Variants in CYP20A1 observed in about 807,000 individuals in gnomAD.
CYP20A1 encodes the protein cytochrome P450 20A1.
Under a neutral mutation model 61.4 loss-of-function variants are expected in CYP20A1, and 61 were observed. That is an observed-to-expected ratio of 0.99 (90% CI 0.81 to 1.23). The LOEUF (loss-of-function observed/expected upper bound fraction) is 1.23, where lower values mean the gene tolerates loss of function less well. Among genes scored for constraint, CYP20A1 ranks in the 50% most tolerant of loss-of-function variants. CYP20A1 has a pLI of 0.00. For synonymous variants in CYP20A1, 193 were observed against 188.2 expected (o/e 1.03, Z -0.21); for missense variants, 530 against 542.4 (o/e 0.98, Z 0.23).
At chr2:203,291,467 TG>T (rs1428552131) in intron 10 of CYP20A1, among the ~76,000 whole-genome samples, 1 of 152,234 alleles carries the variant, frequency 6.6e-6, no homozygotes, top group African/African-American at 2.4e-5. Flanking sequence ...TTATGAATCT[TG>T]CTTTTCTCTG....
intron 8 of CYP20A1, among the ~76,000 whole-genome samples, chr2:203,282,721 G>T (rs1448628887): frequency 6.6e-6 from 1 of 152,116 alleles, no homozygotes; most frequent in Non-Finnish European, 1.5e-5. Flanking sequence ...TTTTGAGAGA[G>T]TAGATAAATA....
chr2:203,244,258 G>A (rs758639340), intron 1 of CYP20A1, among the ~76,000 whole-genome samples: 1 of 151,964 alleles, frequency 6.6e-6, no homozygotes, highest in Non-Finnish European at 1.5e-5. Flanking sequence ...CTGAAGTGCA[G>A]TGGTGCAATC....
At chr2:203,279,970 C>G in intron 7 of CYP20A1, 89 bp from the exon 8 acceptor site, 1 of 798,012 alleles carries the variant, frequency 1.3e-6, no homozygotes, top group Non-Finnish European at 1.9e-6. Flanking sequence ...TTCATTGACA[C>G]TAATTTTATG....
chr2:203,292,249 T>G lies in CYP20A1; in HGVS notation c.1084-13T>G, dbSNP rs763321957. 6.2e-7 allele frequency: 1 copy of G among 1,605,616 alleles called. No homozygotes were observed. The highest frequency in any genetic ancestry group is 2.2e-5 in the East Asian group (1 of 44,824). Reference sequence around the variant, plus strand: ...TGTTAGTCCTTGACTAATTGGATTTTTTTTTTTCACAGACCCTCGTCCTTT... The same window carrying G: ...TGTTAGTCCTTGACTAATTGGATTTGTTTTTTTCACAGACCCTCGTCCTTT... On this transcript the variant is annotated splice_polypyrimidine_tract_variant and intron_variant, in intron 10 of 12. Transcript: ENST00000356079.
chr2:203,268,722 A>T (rs1400838673), intron 5 of CYP20A1, among the ~76,000 whole-genome samples: 1 of 151,860 alleles, frequency 6.6e-6, no homozygotes, highest in Non-Finnish European at 1.5e-5. Context: ...ACATGCATAG[A>T]TTGTGTAGTG....
rs1295889928 is a variant in CYP20A1, at chr2:203,297,194, G to A, written c.*286G>A. The A allele has an allele frequency of 2.0e-5, 4 of 204,308 alleles. No homozygotes were observed. Among genetic ancestry groups the A allele is most frequent in the Non-Finnish European group, 3.9e-5 (4 of 101,784 alleles). 12.7% of individuals were successfully genotyped at this position (204,308 alleles called of 1,614,324 possible). On this transcript the variant is annotated 3_prime_UTR_variant, in exon 13 of 13. Coordinates refer to ENST00000356079, the MANE Select transcript of CYP20A1 (RefSeq NM_177538.3). The stretch of plus-strand genomic sequence containing the variant: ...CATTATTTTTGTATTCTTTTTCTTA[G>A]TGTGAGCTCTAAAATCAATGTTCTT...
At position 203,292,279 on chromosome 2, in the gene CYP20A1, C is replaced by T. The variant is rs779522647; in HGVS notation, c.1101C>T (p.Ala367=). 2.5e-6 allele frequency: 4 copies of T among 1,612,540 alleles called. No individual in the cohort carries two copies. The highest frequency in any genetic ancestry group is 2.5e-6 in the Non-Finnish European group (3 of 1,179,138). The part of the protein sequence containing the change: ...IIPRETLVLY[A]LGVVLQDPNT... The stretch of plus-strand genomic sequence containing the variant: ...TTTCACAGACCCTCGTCCTTTATGC[C>T]CTTGGTGTGGTACTTCAGGATCCTA... Residue 367 remains alanine (A), a synonymous_variant, in exon 11 of 13, where the codon GCC becomes GCT. Transcript: ENST00000356079.
At chr2:203,284,361 T>G (rs2068175609) in intron 8 of CYP20A1, among the ~76,000 whole-genome samples, 1 of 151,742 alleles carries the variant, frequency 6.6e-6, no homozygotes, top group African/African-American at 2.4e-5. Context: ...GGGAAAGAGG[T>G]AGTATATATG....
Position 203,299,214 on chromosome 2 carries a change from TAGTG to T in CYP20A1, c.*2309_*2312del, listed in dbSNP as rs2068929046. On this transcript the variant is annotated 3_prime_UTR_variant, in exon 13 of 13. Transcript: ENST00000356079. The stretch of plus-strand genomic sequence containing the variant: ...CTGTAGGAAATATGCCAAGTACAGA[TAGTG>T]AGGAAAGAAAGGAAGAAAAATGATA... 6.6e-6 allele frequency among the ~76,000 whole-genome samples: 1 copy of T among 152,116 alleles called. No homozygotes were observed.
At chr2:203,295,378 C>T (rs1428279655) in intron 11 of CYP20A1, among the ~76,000 whole-genome samples, 2 of 152,086 alleles carry the variant, frequency 1.3e-5, no homozygotes, top group Non-Finnish European at 2.9e-5. Flanking sequence ...TCCAGCCTCT[C>T]TCACCTATTA....
chr2:203,243,177 A>G (rs1313613296), intron 1 of CYP20A1, among the ~76,000 whole-genome samples: 3 of 152,046 alleles, frequency 2.0e-5, no homozygotes, highest in Non-Finnish European at 4.4e-5. Flanking sequence ...TTACTGTGTC[A>G]CCCAGGCTGG....
intron 8 of CYP20A1, among the ~76,000 whole-genome samples, chr2:203,281,841 T>C: frequency 6.6e-6 from 1 of 151,984 alleles, no homozygotes; most frequent in Admixed American, 6.6e-5. Context: ...AGGACATGAA[T>C]TTAAATTTTA....
At chr2:203,294,949 T>A (rs2068720615) in intron 11 of CYP20A1, among the ~76,000 whole-genome samples, 1 of 88,582 alleles carries the variant, frequency 1.1e-5, no homozygotes, top group African/African-American at 4.7e-5. Flanking sequence ...AAATTTTTTT[T>A]TTTTTTTTTT....
chr2:203,299,985 G>A lies in CYP20A1; in HGVS notation c.*3077G>A, dbSNP rs964898080. Among the ~76,000 whole-genome samples, 3 of 152,114 alleles carry A rather than the reference G, an allele frequency of 2.0e-5. No individual in the cohort carries two copies. Among genetic ancestry groups the A allele is most frequent in the African/African-American group, 7.2e-5 (3 of 41,420 alleles). On this transcript the variant is annotated 3_prime_UTR_variant, in exon 13 of 13. Coordinates refer to ENST00000356079, the MANE Select transcript of CYP20A1 (RefSeq NM_177538.3). ...TCTTCCTTTGTTACCCAAGTACCTCGAATGGGTTGGAAACTGGCGGTAGAA... is the reference window on the plus strand; with the variant it reads ...TCTTCCTTTGTTACCCAAGTACCTCAAATGGGTTGGAAACTGGCGGTAGAA...
At chr2:203,251,817 A>ATATGTGTAT (rs34111991) in intron 3 of CYP20A1, 150 bp from the exon 4 acceptor site, 1 of 95,314 alleles carries the variant, frequency 1.0e-5, no homozygotes, top group Non-Finnish European at 2.2e-5. Flanking sequence ...ATATATATAT[A>ATATGTGTAT]AAAAATAAAA....
intron 4 of CYP20A1, among the ~76,000 whole-genome samples, chr2:203,257,276 C>T (rs1182991505): frequency 6.7e-6 from 1 of 150,334 alleles, no homozygotes. Context: ...GCCAAGGTTG[C>T]GCCACTGCAC....
At chr2:203,249,535 A>G (rs1336936383) in intron 3 of CYP20A1, among the ~76,000 whole-genome samples, 1 of 152,170 alleles carries the variant, frequency 6.6e-6, no homozygotes, top group African/African-American at 2.4e-5. Context: ...AAATATATAT[A>G]GTCCTTAAAA....
In CYP20A1 at chr2:203,289,878, T is replaced by C; in HGVS notation, c.1083+2T>C. 2.8e-6 allele frequency: 4 copies of C among 1,447,652 alleles called. No individual in the cohort carries two copies. The highest frequency in any genetic ancestry group is 3.8e-6 in the Non-Finnish European group (4 of 1,040,188). The allele number at this position is 1,447,652 out of a possible 1,614,324, so 89.7% of individuals were successfully genotyped here. A position where few individuals can be genotyped will look rare whatever the true frequency, so the allele number is the denominator to read the frequency against. On this transcript the variant is annotated splice_donor_variant, in intron 10 of 12. Coordinates refer to ENST00000356079, the MANE Select transcript of CYP20A1 (RefSeq NM_177538.3). LOFTEE classifies it high-confidence loss of function. ...GACCGATTTATTATTCCTAGAGAGG[T>C]AGAAAACCTTTAATATGTTTAATTC...
At position 203,298,714 on chromosome 2, in the gene CYP20A1, AAG is replaced by A. The variant is rs1343731459; in HGVS notation, c.*1807_*1808del. Among the ~76,000 whole-genome samples the A allele has an allele frequency of 6.6e-6, 1 of 150,684 alleles. No homozygotes were observed. The highest frequency in any genetic ancestry group is 1.5e-5 in the Non-Finnish European group (1 of 67,750). ...AACTCATTCTCAAAAAAAAAAAAAA[AAG>A]GAGGTGGGGAGAGCTATTTCAAGAA... is the stretch of plus-strand genomic sequence containing the variant. On this transcript the variant is annotated 3_prime_UTR_variant, in exon 13 of 13. Transcript: ENST00000356079.
Sources: gnomAD v4.1 joint callset for allele counts (sites outside exome capture counted in the v4.1 genomes callset) on GRCh38, gnomAD v4.1.1 for gene constraint, MANE v1.5 for transcripts, NCBI Gene and HGNC (gene_info 2026-07-23, HGNC 2026-07-21) for gene names.